GALNT13: variants seen among roughly 807,000 people sequenced by gnomAD.
GALNT13 encodes polypeptide N-acetylgalactosaminyltransferase 13, also known as UDP-GalNAc:polypeptide N-acetylgalactosaminyltransferase 13.
A neutral mutation model predicts 64.2 loss-of-function variants in GALNT13; 28 were observed. The observed-to-expected ratio is 0.44, with a 90% CI of 0.32 to 0.60. The LOEUF (loss-of-function observed/expected upper bound fraction) is 0.60. GALNT13 is among the 20% of genes least tolerant of loss of function. GALNT13 has a pLI of 0.05. For missense variants in GALNT13, 577 were observed against 669.8 expected (o/e 0.86, Z 1.53); for synonymous variants, 214 against 224.6 (o/e 0.95, Z 0.42).
At chr2:153,656,086 A>G in the GALNT13 span, among the ~76,000 whole-genome samples, 16 of 152,256 alleles carry the variant, frequency 1.1e-4, no homozygotes, top group East Asian at 2.3e-3. Flanking sequence ...TTGGCTTATG[A>G]ATTAAACTCA....
chr2:153,442,958 G>A, the GALNT13 span, among the ~76,000 whole-genome samples: 1 of 152,180 alleles, frequency 6.6e-6, no homozygotes, highest in African/African-American at 2.4e-5. Context: ...AGAATTTCAA[G>A]CCAGTGGATC....
At chr2:154,349,676 G>A (rs1267020207) in intron 9 of GALNT13, among the ~76,000 whole-genome samples, 3 of 152,228 alleles carry the variant, frequency 2.0e-5, no homozygotes, top group Non-Finnish European at 4.4e-5. Context: ...CAGGTGCAGA[G>A]AGAGAAGCCA....
In GALNT13 at chr2:154,242,919, T is replaced by A; in HGVS notation, c.686+14T>A. 6.2e-7 allele frequency: 1 copy of A among 1,606,476 alleles called. No individual in the cohort carries two copies. Among genetic ancestry groups the A allele is most frequent in the South Asian group, 1.1e-5 (1 of 90,724 alleles). On this transcript the variant is annotated intron_variant, in intron 6 of 12. Transcript: ENST00000392825. ...AAAGGAAGACAGGTAAGAATTTATGTGTTCTGTCTGCCTGGGTTATGACTG... is the reference window on the plus strand; with the variant it reads ...AAAGGAAGACAGGTAAGAATTTATGAGTTCTGTCTGCCTGGGTTATGACTG...
chr2:153,594,909 A>G, the GALNT13 span, among the ~76,000 whole-genome samples: 2 of 152,242 alleles, frequency 1.3e-5, no homozygotes, highest in Admixed American at 1.3e-4. Flanking sequence ...GGAAAATAAA[A>G]CTATTTGACT....
chr2:153,300,975 G>A, the GALNT13 span, among the ~76,000 whole-genome samples: 1 of 152,220 alleles, frequency 6.6e-6, no homozygotes, highest in East Asian at 1.9e-4. Flanking sequence ...AAGCCAAGGT[G>A]GACAGATAGC....
the GALNT13 span, among the ~76,000 whole-genome samples, chr2:153,220,797 GAAAA>G: frequency 6.6e-6 from 1 of 152,084 alleles, no homozygotes; most frequent in Admixed American, 6.5e-5. Context: ...GCAGAAAAGA[GAAAA>G]AATAATAAAT....
intron 8 of GALNT13, among the ~76,000 whole-genome samples, chr2:154,266,765 T>A (rs2105914323): frequency 6.6e-6 from 1 of 151,866 alleles, no homozygotes; most frequent in East Asian, 2.0e-4. Context: ...ATGCAATAGT[T>A]AAGTGTATTG....
the GALNT13 span, among the ~76,000 whole-genome samples, chr2:153,328,756 C>A: frequency 3.1e-3 from 466 of 152,190 alleles, 19 homozygotes; most frequent in East Asian, 0.082. Context: ...TAGGGGTGGG[C>A]TCCGCTCAGC....
At chr2:154,142,724 G>A (rs1480703576) in intron 4 of GALNT13, among the ~76,000 whole-genome samples, 1 of 151,596 alleles carries the variant, frequency 6.6e-6, no homozygotes, top group Non-Finnish European at 1.5e-5. Flanking sequence ...ACATATTGTG[G>A]ACATTTTTGG....
chr2:153,800,405 G>T, the GALNT13 span, among the ~76,000 whole-genome samples: 1 of 152,102 alleles, frequency 6.6e-6, no homozygotes, highest in African/African-American at 2.4e-5. Context: ...TGATCAGGGT[G>T]GTGGCTATGA....
the GALNT13 span, among the ~76,000 whole-genome samples, chr2:153,361,563 C>G: frequency 6.6e-5 from 10 of 151,818 alleles, 1 homozygote; most frequent in Non-Finnish European, 1.3e-4. Context: ...AGCATGAGAA[C>G]CTCATAAAGC....
the GALNT13 span, among the ~76,000 whole-genome samples, chr2:153,584,653 G>A: frequency 6.6e-6 from 1 of 152,134 alleles, no homozygotes; most frequent in Non-Finnish European, 1.5e-5. Flanking sequence ...CTTGCCAGGA[G>A]CCACCAACAA....
chr2:153,299,341 C>T, the GALNT13 span, among the ~76,000 whole-genome samples: 15 of 152,148 alleles, frequency 9.9e-5, no homozygotes, highest in Admixed American at 3.3e-4. Context: ...CACACTCAAA[C>T]TAGGTACTTG....
chr2:153,528,125 A>G, the GALNT13 span, among the ~76,000 whole-genome samples: 1 of 151,920 alleles, frequency 6.6e-6, no homozygotes, highest in African/African-American at 2.4e-5. Context: ...ATCAAAAGAT[A>G]TAGAATGGTT....
chr2:153,550,600 T>C, the GALNT13 span, among the ~76,000 whole-genome samples: 2 of 152,156 alleles, frequency 1.3e-5, no homozygotes, highest in East Asian at 1.9e-4. Context: ...ATTCTGTAGG[T>C]ATCACTGTTC....
intron 3 of GALNT13, among the ~76,000 whole-genome samples, chr2:154,025,318 A>G (rs1340854702): frequency 6.6e-6 from 1 of 152,042 alleles, no homozygotes; most frequent in African/African-American, 2.4e-5. Context: ...TCCTCCCCCC[A>G]TGTTTAAATG....
chr2:154,051,110 A>G (rs7580979), intron 3 of GALNT13, among the ~76,000 whole-genome samples: 4 of 152,154 alleles, frequency 2.6e-5, no homozygotes. Flanking sequence ...AATATCCATC[A>G]TATCATCTCG....
the GALNT13 span, among the ~76,000 whole-genome samples, chr2:153,842,692 A>T: frequency 6.6e-6 from 1 of 150,404 alleles, no homozygotes; most frequent in Non-Finnish European, 1.5e-5. Flanking sequence ...AAACTAAAGC[A>T]TGCTGACAAT....
the GALNT13 span, among the ~76,000 whole-genome samples, chr2:153,150,848 C>G: frequency 7.6e-4 from 116 of 152,196 alleles, 1 homozygote; most frequent in African/African-American, 2.4e-3. Flanking sequence ...GTTTTGGTAT[C>G]AGTACCATGC....
Sources: gnomAD v4.1 joint callset for allele counts (sites outside exome capture counted in the v4.1 genomes callset) on GRCh38, gnomAD v4.1.1 for gene constraint, MANE v1.5 for transcripts, NCBI Gene and HGNC (gene_info 2026-07-23, HGNC 2026-07-21) for gene names.